The following TNIK variants were observed in gnomAD, a reference collection of about 807,000 sequenced individuals.
TNIK encodes TRAF2 and NCK-interacting protein kinase.
A neutral mutation model predicts 191.3 loss-of-function variants in TNIK; 49 were observed. The observed-to-expected ratio is 0.26, with a 90% CI of 0.20 to 0.32. The LOEUF is 0.32. Among genes scored for constraint, TNIK ranks in the 10% least tolerant of loss-of-function variants. The probability of loss-of-function intolerance (pLI) is 1.00; values close to 1 mark genes in which losing one functional copy is unlikely to be tolerated. For synonymous variants in TNIK, 594 were observed against 600.9 expected (o/e 0.99, Z 0.17); for missense variants, 1,155 against 1,702.3 (o/e 0.68, Z 5.66).
intron 1 of TNIK, among the ~76,000 whole-genome samples, chr3:171,401,022 A>G (rs1375491737): frequency 6.6e-6 from 1 of 152,232 alleles, no homozygotes; most frequent in Admixed American, 6.5e-5. Flanking sequence ...ACAAACACAT[A>G]TCTAGTTGGA....
At chr3:171,298,169 G>T (rs1416750507) in intron 2 of TNIK, among the ~76,000 whole-genome samples, 4 of 152,154 alleles carry the variant, frequency 2.6e-5, no homozygotes, top group Non-Finnish European at 4.4e-5. Context: ...AGTGTGTGTT[G>T]GTTTCTATCT....
chr3:171,119,285 G>A (rs1452300976), intron 18 of TNIK, among the ~76,000 whole-genome samples: 1 of 152,190 alleles, frequency 6.6e-6, no homozygotes, highest in Non-Finnish European at 1.5e-5. Context: ...AAAAAGTCAG[G>A]AAACAACACG....
chr3:171,104,735 T>TTTCTTTTTAGGAACTCTA (rs1421462042), intron 21 of TNIK, among the ~76,000 whole-genome samples: 1 of 152,154 alleles, frequency 6.6e-6, no homozygotes, highest in African/African-American at 2.4e-5. Context: ...ATTAAACTAT[T>TTTCTTTTTAGGAACTCTA]TTCTTTTTAG....
intron 3 of TNIK, among the ~76,000 whole-genome samples, chr3:171,220,240 C>T (rs1040333014): frequency 1.3e-5 from 2 of 151,916 alleles, no homozygotes; most frequent in African/African-American, 4.8e-5. Flanking sequence ...TGGGGCCTGT[C>T]GTGGGGTGGC....
At chr3:171,359,568 C>T (rs1165265911) in intron 2 of TNIK, among the ~76,000 whole-genome samples, 1 of 152,190 alleles carries the variant, frequency 6.6e-6, no homozygotes, top group Non-Finnish European at 1.5e-5. Context: ...TCAGAGGCCA[C>T]TGCACCCAGC....
At chr3:171,176,342 C>A (rs185133132) in intron 8 of TNIK, among the ~76,000 whole-genome samples, 1 of 152,166 alleles carries the variant, frequency 6.6e-6, no homozygotes, top group Admixed American at 6.5e-5. Flanking sequence ...CGATGACAAC[C>A]CGAAGGTAAA....
intron 2 of TNIK, among the ~76,000 whole-genome samples, chr3:171,308,846 T>C (rs1008719795): frequency 3.3e-5 from 5 of 151,058 alleles, no homozygotes; most frequent in Non-Finnish European, 7.4e-5. Flanking sequence ...AAAACCACAA[T>C]GAAATACCAT....
intron 2 of TNIK, among the ~76,000 whole-genome samples, chr3:171,257,831 G>A (rs916801365): frequency 2.0e-5 from 3 of 152,148 alleles, no homozygotes; most frequent in South Asian, 2.1e-4. Context: ...TACACTGCCC[G>A]TGGGGATGGA....
intron 2 of TNIK, among the ~76,000 whole-genome samples, chr3:171,359,120 T>C (rs922228247): frequency 7.9e-5 from 12 of 152,174 alleles, no homozygotes; most frequent in African/African-American, 2.7e-4. Context: ...GGGTAATTAC[T>C]GTATGTACGT....
chr3:171,348,841 G>T (rs1712680177), intron 2 of TNIK, among the ~76,000 whole-genome samples: 1 of 151,956 alleles, frequency 6.6e-6, no homozygotes, highest in African/African-American at 2.4e-5. Flanking sequence ...ATACCAACAT[G>T]ATTTAGTGAG....
At chr3:171,174,228 C>G (rs569731339) in intron 9 of TNIK, among the ~76,000 whole-genome samples, 2 of 152,198 alleles carry the variant, frequency 1.3e-5, no homozygotes, top group East Asian at 3.9e-4. Context: ...AAGGCTGCCC[C>G]CTGTATGGTA....
chr3:171,316,972 TG>T (rs1359981776), intron 2 of TNIK, among the ~76,000 whole-genome samples: 8 of 139,464 alleles, frequency 5.7e-5, no homozygotes, highest in Non-Finnish European at 7.7e-5. Flanking sequence ...TATAATTATA[TG>T]ATATATATCA....
At chr3:171,392,309 A>T (rs1320256445) in intron 1 of TNIK, among the ~76,000 whole-genome samples, 1 of 152,156 alleles carries the variant, frequency 6.6e-6, no homozygotes, top group Non-Finnish European at 1.5e-5. Context: ...TGATTCCAGA[A>T]ATTTAATCTG....
chr3:171,115,187 TGAGAG>T (rs1199015272), intron 18 of TNIK, among the ~76,000 whole-genome samples: 2 of 152,202 alleles, frequency 1.3e-5, no homozygotes, highest in Non-Finnish European at 2.9e-5. Flanking sequence ...AAAAATCTCT[TGAGAG>T]GAGGGTAGCT....
At chr3:171,217,154 C>T (rs1368842014) in intron 3 of TNIK, among the ~76,000 whole-genome samples, 2 of 152,062 alleles carry the variant, frequency 1.3e-5, no homozygotes, top group Non-Finnish European at 2.9e-5. Context: ...AACCTTGGTA[C>T]CCATCAATGG....
chr3:171,375,654 C>A lies in TNIK; in HGVS notation c.58-5969G>T, dbSNP rs374623125. Among the ~76,000 whole-genome samples, 9 of 152,268 alleles carry A rather than the reference C, an allele frequency of 5.9e-5. No individual in the cohort carries two copies. In the South Asian group the frequency reaches 1.9e-3, roughly 32 times the overall value. ...AGGTTATGCTTTAATTCCTCCAGGT[C>A]CTCTGAATGATACTGGATTTATAAG... On this transcript the variant is annotated intron_variant, in intron 1 of 32. Transcript: ENST00000436636.
chr3:171,356,293 A>G (rs1243886192), intron 2 of TNIK, among the ~76,000 whole-genome samples: 1 of 152,186 alleles, frequency 6.6e-6, no homozygotes, highest in Non-Finnish European at 1.5e-5. Flanking sequence ...TAAATAATCA[A>G]CACAGATGTA....
Position 171,460,310 on chromosome 3 carries a change from G to T in TNIK, c.-247C>A. 3.5e-6 allele frequency: 2 copies of T among 578,578 alleles called. No homozygotes were observed. Among genetic ancestry groups the T allele is most frequent in the South Asian group, 4.1e-5 (2 of 49,218 alleles). 35.8% of individuals were successfully genotyped at this position (578,578 alleles called of 1,614,324 possible). On this transcript the variant is annotated 5_prime_UTR_variant, in exon 1 of 33. Transcript: ENST00000436636. This position sits in a 1 kb window ranked among gnomAD's most constrained non-coding sequence, Gnocchi z 6.8. ...GAGCAGCGGTGCGTGTGGGCTGAGCGCCCCGATCGGCTAAGGGCGCTGGGG... is the reference window on the plus strand; with the variant it reads ...GAGCAGCGGTGCGTGTGGGCTGAGCTCCCCGATCGGCTAAGGGCGCTGGGG...
intron 1 of TNIK, among the ~76,000 whole-genome samples, 162 bp downstream of exon 1, chr3:171,459,845 A>G (rs1560101407): frequency 6.6e-6 from 1 of 152,030 alleles, no homozygotes; most frequent in Non-Finnish European, 1.5e-5. Flanking sequence ...CTCAGCCAGG[A>G]GCACCTCAGC....
Sources: gnomAD v4.1 joint callset for allele counts (sites outside exome capture counted in the v4.1 genomes callset) on GRCh38, gnomAD v4.1.1 for gene constraint, Gnocchi (gnomAD v3.1) non-coding constraint, MANE v1.5 for transcripts, NCBI Gene and HGNC (gene_info 2026-07-23, HGNC 2026-07-21) for gene names.